ZNF496: variants seen among roughly 807,000 people sequenced by gnomAD.
The protein encoded by ZNF496 is NSD1 (nuclear receptor binding SET-domain containing 1)-interacting zinc finger protein 1.
In ZNF496, 11 loss-of-function variants were observed where a neutral mutation model predicts 58.9. The observed-to-expected ratio is 0.19, with a 90% CI of 0.12 to 0.31. The LOEUF (loss-of-function observed/expected upper bound fraction) is 0.31. Among genes scored for constraint, ZNF496 ranks in the 10% least tolerant of loss-of-function variants. The pLI is 1.00. For synonymous variants in ZNF496, 338 were observed against 318.2 expected, an observed-to-expected ratio of 1.06 and a Z score of -0.66; for missense variants, 660 against 783.0, an observed-to-expected ratio of 0.84 and a Z score of 1.88.
intron 6 of ZNF496, chr1:247,322,755 C>A (rs149639846): frequency 7.7e-7 from 1 of 1,291,680 alleles, no homozygotes; most frequent in East Asian, 5.5e-5. Flanking sequence ...CACTTCCTAA[C>A]ATTTCTAAAA....
chr1:247,301,229 T>A lies in ZNF496; in HGVS notation c.1054A>T (p.Thr352Ser), dbSNP rs762491246. ...SLENSLDEEV[T>S]IEIVLSSSGD... The stretch of plus-strand genomic sequence containing the variant: ...GAGCTGGAGAGAACGATCTCGATGG[T>A]CACTTCTTCATCCAGGCTGTTCTCT... Residue 352 changes from threonine to serine, a missense_variant, in exon 10 of 10, where the codon ACC becomes TCC. Transcript: ENST00000682384. 6.5e-7 allele frequency: 1 copy of A among 1,535,662 alleles called. No homozygotes were observed. The highest frequency in any genetic ancestry group is 2.3e-5 in the East Asian group (1 of 44,214).
chr1:247,302,394 AG>A (rs1369433389), intron 9 of ZNF496, among the ~76,000 whole-genome samples: 8 of 152,082 alleles, frequency 5.3e-5, no homozygotes, highest in Non-Finnish European at 8.8e-5. Context: ...GGGGAACATG[AG>A]TCTGGGAGTG....
intron 6 of ZNF496, among the ~76,000 whole-genome samples, chr1:247,316,773 C>G (rs1311855615): frequency 6.6e-6 from 1 of 152,168 alleles, no homozygotes; most frequent in Non-Finnish European, 1.5e-5. Context: ...GCTCCAGTCA[C>G]CTCCAGAATC....
At chr1:247,328,246 C>T (rs1296231560) in intron 5 of ZNF496, among the ~76,000 whole-genome samples, 1 of 152,194 alleles carries the variant, frequency 6.6e-6, no homozygotes, top group African/African-American at 2.4e-5. Context: ...CATCTCTTCG[C>T]AGCATCACAA....
chr1:247,330,964 T>A lies in ZNF496; in HGVS notation c.-154+468A>T, dbSNP rs140361675. ...TATGGGGGCCGTGGCGGCGTCGGGC[T>A]GGACGCATTACAGCGCTCCCCACCA... On this transcript the variant is annotated intron_variant, in intron 2 of 9. Transcript: ENST00000682384. 3.8e-3 allele frequency among the ~76,000 whole-genome samples: 579 copies of A among 152,364 alleles called. 7 individuals are homozygous for A. Among genetic ancestry groups the A allele is most frequent in the African/African-American group, 0.013 (543 of 41,596 alleles).
chr1:247,307,216 A>G (rs1401939443), intron 9 of ZNF496: 2 of 985,450 alleles, frequency 2.0e-6, no homozygotes, highest in African/African-American at 1.7e-5. Flanking sequence ...CTGGCGGGAA[A>G]AGCCTTTTAG....
At chr1:247,323,771 AAAAAAAAAGAAG>A (rs1660031911) in intron 5 of ZNF496, among the ~76,000 whole-genome samples, 1 of 151,570 alleles carries the variant, frequency 6.6e-6, no homozygotes, top group Non-Finnish European at 1.5e-5. Flanking sequence ...AGAAAAAGAA[AAAAAAAAAGAAG>A]AAGAAAAAGA....
At chr1:247,323,035 G>A in intron 6 of ZNF496, 119 bp downstream of exon 6, 2 of 851,404 alleles carry the variant, frequency 2.3e-6, no homozygotes, top group African/African-American at 1.7e-5. Flanking sequence ...AGCTTTTCTG[G>A]GCTGGGACTG....
chr1:247,325,585 C>A (rs1489136435), intron 5 of ZNF496, among the ~76,000 whole-genome samples: 1 of 152,162 alleles, frequency 6.6e-6, no homozygotes, highest in East Asian at 1.9e-4. Flanking sequence ...CCTCACCATG[C>A]TGTACCATAG....
intron 9 of ZNF496, among the ~76,000 whole-genome samples, chr1:247,302,012 GTC>G (rs2103015213): frequency 6.6e-6 from 1 of 152,334 alleles, no homozygotes; most frequent in African/African-American, 2.4e-5. Flanking sequence ...TGCATCCTGA[GTC>G]TGTGATGTTG....
At chr1:247,316,135 G>GGTGTGT (rs148003455) in intron 6 of ZNF496, among the ~76,000 whole-genome samples, 24,695 of 139,732 alleles carry the variant, frequency 0.18, 2,630 homozygotes, top group East Asian at 0.37. Flanking sequence ...CTGGGAGAGG[G>GGTGTGT]GTGTGTGTGT....
chr1:247,302,631 G>A (rs750165071), intron 9 of ZNF496, among the ~76,000 whole-genome samples: 17 of 152,088 alleles, frequency 1.1e-4, no homozygotes, highest in Admixed American at 7.2e-4. Flanking sequence ...GTGAGCCACT[G>A]CGCCCGCCGA....
chr1:247,310,627 G>GGCACCCAGCCT, intron 6 of ZNF496, 171 bp from the exon 7 acceptor site: 1 of 803,856 alleles, frequency 1.2e-6, no homozygotes, highest in Non-Finnish European at 1.9e-6. Context: ...GGTGCCAGCA[G>GGCACCCAGCCT]GCTGGGTGCC....
chr1:247,330,803 G>T (rs1308657766), intron 2 of ZNF496, among the ~76,000 whole-genome samples: 1 of 152,260 alleles, frequency 6.6e-6, no homozygotes, highest in Non-Finnish European at 1.5e-5. Flanking sequence ...GGTGGGAAGG[G>T]GGACTCGGGC....
intron 6 of ZNF496, chr1:247,313,290 G>A (rs1659665741): frequency 6.6e-6 from 1 of 152,308 alleles, no homozygotes; most frequent in Non-Finnish European, 1.5e-5. Flanking sequence ...TAGGGGAGGG[G>A]GGTGGTGTGG....
rs191530449 is a variant in ZNF496, at chr1:247,314,195, A to T, written c.652-3739T>A. ...CTGCTCAGCCTCCCAAGTAGCTGGG[A>T]CTACAGGAGTGAGCCACCACGCCTG... On this transcript the variant is annotated intron_variant, in intron 6 of 9. Coordinates refer to ENST00000682384, the MANE Select transcript of ZNF496 (RefSeq NM_032752.3). Among the ~76,000 whole-genome samples, 27 of 152,220 alleles carry T rather than the reference A, an allele frequency of 1.8e-4. No homozygotes were observed. The East Asian group carries it at 5.2e-3, about 29-fold the overall frequency.
At chr1:247,310,714 C>G in intron 6 of ZNF496, 1 of 422,048 alleles carries the variant, frequency 2.4e-6, no homozygotes, top group South Asian at 3.8e-5. Flanking sequence ...AGGGAGTTCT[C>G]TGGGGCCTCT....
rs769361246 is a variant in ZNF496 at position 247,301,147 on chromosome 1, G to A, written c.1136C>T (p.Thr379Ile). ...PYCTEELGSP[T>I]EKQRSLPASH... ...GGCGGGGAGGCTGCGCTGCTTCTCT[G>A]TGGGGCTCCCCAGCTCTTCTGTGCA... is the stretch of plus-strand genomic sequence containing the variant. Residue 379 changes from threonine (T) to isoleucine (I), a missense_variant, in exon 10 of 10, where the codon ACA becomes ATA. Coordinates refer to ENST00000682384, the MANE Select transcript of ZNF496 (RefSeq NM_032752.3). The A allele has an allele frequency of 1.2e-6, 2 of 1,613,456 alleles. No individual in the cohort carries two copies. The highest frequency in any genetic ancestry group is 1.7e-5 in the Admixed American group (1 of 59,958).
intron 5 of ZNF496, among the ~76,000 whole-genome samples, chr1:247,327,767 C>T (rs946396890): frequency 5.1e-5 from 4 of 79,168 alleles, no homozygotes; most frequent in African/African-American, 1.7e-4. Flanking sequence ...TTCCATTGTA[C>T]CTATAGAGCA....
Sources: gnomAD v4.1 joint callset for allele counts (sites outside exome capture counted in the v4.1 genomes callset) on GRCh38, gnomAD v4.1.1 for gene constraint, MANE v1.5 for transcripts, NCBI Gene and HGNC (gene_info 2026-07-23, HGNC 2026-07-21) for gene names.